Variants in VPS13B observed in about 807,000 individuals in gnomAD.
VPS13B encodes vacuolar protein sorting 13 homolog B.
VPS13B carries 285 observed loss-of-function variants against 426.4 expected under a neutral mutation model. The ratio of observed to expected loss-of-function variants is 0.67; its 90% CI spans 0.61 to 0.74. VPS13B has a LOEUF of 0.74. VPS13B is among the 30% of genes least tolerant of loss of function. VPS13B has a pLI of 0.00. For synonymous variants in VPS13B, 1,676 were observed against 1,676.4 expected (o/e 1.00, Z 0.01); for missense variants, 4,537 against 4,782.6 (o/e 0.95, Z 1.51).
chr8:99,832,586 C>A lies in VPS13B; in HGVS notation c.9548C>A (p.Pro3183Gln). Reference sequence around the variant, plus strand: ...TGGAGCCTGCCAGCTATAGTTAGACCAGAGTTTCCCAGACAGAGTGTGGCA... The same window carrying A: ...TGGAGCCTGCCAGCTATAGTTAGACAAGAGTTTCCCAGACAGAGTGTGGCA... ...QCWSLPAIVR[P>Q]EFPRQSVAVP... Residue 3183 changes from proline to glutamine, a missense_variant, in exon 52 of 62, where the codon CCA becomes CAA. Coordinates refer to ENST00000357162, the MANE Select transcript of VPS13B (RefSeq NM_152564.5). 5 of 1,613,862 alleles carry A rather than the reference C, an allele frequency of 3.1e-6. No individual in the cohort carries two copies. Among genetic ancestry groups the A allele is most frequent in the Non-Finnish European group, 4.2e-6 (5 of 1,179,996 alleles).
intron 19 of VPS13B, among the ~76,000 whole-genome samples, chr8:99,353,802 A>T (rs921485568): frequency 6.6e-6 from 1 of 152,150 alleles, no homozygotes. Flanking sequence ...CATATCCTTG[A>T]TGAAGGCTCT....
chr8:99,727,422 A>G (rs563883798), intron 39 of VPS13B, among the ~76,000 whole-genome samples: 22 of 152,348 alleles, frequency 1.4e-4, no homozygotes, highest in East Asian at 7.7e-4. Context: ...GCTGATAAAG[A>G]CATACCCAAG....
At chr8:99,242,448 A>C (rs1816983856) in intron 17 of VPS13B, among the ~76,000 whole-genome samples, 1 of 152,202 alleles carries the variant, frequency 6.6e-6, no homozygotes, top group African/African-American at 2.4e-5. Flanking sequence ...TGTTTTATTT[A>C]TAACCTCTTT....
chr8:99,819,555 G>T lies in VPS13B; in HGVS notation c.8765G>T (p.Trp2922Leu), dbSNP rs764410544. ...CCAGAAAAGTCGCTTCAACCCATAT[G>T]GCCCTATAATAAGAAGGATTCTGAC... ...YGPEKSLQPI[W>L]PYNKKDSDRN... The change falls in exon 48 of 62, where the codon TGG becomes TTG. Residue 2922 changes from tryptophan to leucine, a missense_variant. Trp to Leu is a moderately conservative substitution (Grantham distance 61). Transcript: ENST00000357162. 6.2e-7 allele frequency: 1 copy of T among 1,613,588 alleles called. No individual in the cohort carries two copies.
chr8:99,244,392 T>G (rs1351725839), intron 17 of VPS13B, among the ~76,000 whole-genome samples: 1 of 152,230 alleles, frequency 6.6e-6, no homozygotes, highest in Non-Finnish European at 1.5e-5. Context: ...TAGAGTTAAT[T>G]GTTAATTTGT....
At chr8:99,452,602 ACTTAT>A (rs1394103677) in intron 23 of VPS13B, among the ~76,000 whole-genome samples, 1 of 152,134 alleles carries the variant, frequency 6.6e-6, no homozygotes, top group East Asian at 1.9e-4. Flanking sequence ...TTACCTTCTA[ACTTAT>A]CTTAAGATCC....
At chr8:99,472,911 A>G (rs1186317068) in intron 24 of VPS13B, among the ~76,000 whole-genome samples, 1 of 152,090 alleles carries the variant, frequency 6.6e-6, no homozygotes, top group African/African-American at 2.4e-5. Context: ...GCAACAACTT[A>G]GATGAAATGG....
In VPS13B at chr8:99,135,651, T is replaced by C; in HGVS notation, c.1481T>C (p.Leu494Pro). ...TTGAGTACGAAAGGTTTCACATACCTTACAAATTCATTGTTTGATTACCGA... is the reference window on the plus strand; with the variant it reads ...TTGAGTACGAAAGGTTTCACATACCCTACAAATTCATTGTTTGATTACCGA... ...DNLSTKGFTYLTNSLFDYRSP... is the reference protein window; with the variant it reads ...DNLSTKGFTYPTNSLFDYRSP... Residue 494 changes from leucine to proline, a missense_variant, in exon 11 of 62, where the codon CTT becomes CCT. Physicochemically the swap from Leu to Pro is moderately conservative, Grantham distance 98 (BLOSUM62 -3). Transcript: ENST00000357162. 2 of 1,613,488 alleles carry C rather than the reference T, an allele frequency of 1.2e-6. No individual in the cohort carries two copies. Among genetic ancestry groups the C allele is most frequent in the Non-Finnish European group, 1.7e-6 (2 of 1,179,550 alleles).
intron 3 of VPS13B, among the ~76,000 whole-genome samples, chr8:99,068,450 G>T (rs1222532666): frequency 6.6e-6 from 1 of 152,144 alleles, no homozygotes; most frequent in Non-Finnish European, 1.5e-5. Flanking sequence ...GCCTGTTTTT[G>T]TAAATACAAG....
In VPS13B at chr8:99,110,988, A is replaced by C. The variant is rs891479003; in HGVS notation, c.581-110A>C. The C allele has an allele frequency of 7.3e-6, 6 of 824,830 alleles. No homozygotes were observed. The African/African-American group carries it at 1.1e-4, about 14-fold the overall frequency. 51.1% of individuals were successfully genotyped at this position (824,830 alleles called of 1,614,324 possible). On this transcript the variant is annotated intron_variant, in intron 5 of 61. Coordinates refer to ENST00000357162, the MANE Select transcript of VPS13B (RefSeq NM_152564.5). The stretch of plus-strand genomic sequence containing the variant: ...GCATTATGTATTAAATGCTCCATGA[A>C]TCTTATTTTCTGTTATTATTAATTT...
intron 30 of VPS13B, among the ~76,000 whole-genome samples, chr8:99,540,057 A>ATTTTTTTT (rs1823520592): frequency 1.8e-4 from 1 of 5,534 alleles, no homozygotes; most frequent in Non-Finnish European, 3.1e-4. Flanking sequence ...ATATATATAT[A>ATTTTTTTT]TATATATTTT....
chr8:99,582,539 A>G (rs930454396), intron 33 of VPS13B, among the ~76,000 whole-genome samples: 1 of 152,054 alleles, frequency 6.6e-6, no homozygotes, highest in African/African-American at 2.4e-5. Flanking sequence ...GTCAATCTTA[A>G]TTGTCTTCAT....
At chr8:99,427,508 T>C (rs894791951) in intron 21 of VPS13B, among the ~76,000 whole-genome samples, 6 of 151,172 alleles carry the variant, frequency 4.0e-5, no homozygotes, top group Non-Finnish European at 7.4e-5. Flanking sequence ...AAACAGAGAG[T>C]CAAATCCTGA....
At chr8:99,052,840 T>G (rs920871705) in intron 3 of VPS13B, among the ~76,000 whole-genome samples, 5 of 152,248 alleles carry the variant, frequency 3.3e-5, no homozygotes, top group African/African-American at 9.6e-5. Context: ...TAGTATTCTC[T>G]GATGGTAGTT....
intron 23 of VPS13B, among the ~76,000 whole-genome samples, chr8:99,457,558 AT>A (rs1422289951): frequency 9.3e-5 from 14 of 150,156 alleles, no homozygotes; most frequent in Non-Finnish European, 1.5e-4. Context: ...AATTTCGTTG[AT>A]TTTTTTCTAT....
intron 39 of VPS13B, among the ~76,000 whole-genome samples, chr8:99,749,968 C>T (rs897091331): frequency 6.6e-6 from 1 of 152,038 alleles, no homozygotes; most frequent in Non-Finnish European, 1.5e-5. Context: ...GTATTATACA[C>T]ATAATGAAAA....
chr8:99,872,242 C>G (rs1010150739), intron 61 of VPS13B, among the ~76,000 whole-genome samples: 2 of 152,174 alleles, frequency 1.3e-5, no homozygotes, highest in African/African-American at 4.8e-5. Context: ...TGAAACAAGA[C>G]TCTCCACTCC....
intron 23 of VPS13B, among the ~76,000 whole-genome samples, chr8:99,443,727 CAGTTGA>C (rs1817785530): frequency 6.6e-6 from 1 of 152,098 alleles, no homozygotes; most frequent in Non-Finnish European, 1.5e-5. Flanking sequence ...AGTTGATGGA[CAGTTGA>C]AGTTGTTTTC....
intron 54 of VPS13B, among the ~76,000 whole-genome samples, chr8:99,847,430 G>T (rs1263088832): frequency 6.6e-6 from 1 of 152,198 alleles, no homozygotes; most frequent in Non-Finnish European, 1.5e-5. Context: ...AAAAATTAAG[G>T]AATGGCTCTA....
Sources: gnomAD v4.1 joint callset for allele counts (sites outside exome capture counted in the v4.1 genomes callset) on GRCh38, gnomAD v4.1.1 for gene constraint, MANE v1.5 for transcripts, NCBI Gene and HGNC (gene_info 2026-07-23, HGNC 2026-07-21) for gene names.